LRPAP1: variants seen among roughly 807,000 people sequenced by gnomAD.
The protein encoded by LRPAP1 is LDL receptor related protein associated protein 1.
Under a neutral mutation model 39.9 loss-of-function variants are expected in LRPAP1, and 41 were observed. That is an observed-to-expected ratio of 1.03 (90% confidence interval 0.80 to 1.33). The LOEUF is 1.33. Among genes scored for constraint, LRPAP1 ranks in the 40% most tolerant of loss-of-function variants. The pLI is 0.00. For missense variants in LRPAP1, 565 were observed against 482.3 expected (o/e 1.17, Z -1.61); for synonymous variants, 263 against 212.7 (o/e 1.24, Z -2.06).
rs527773914 is a variant in LRPAP1 at position 3,510,463 on chromosome 4, G to C, written c.*2511C>G. 1 of 152,356 alleles carries C rather than the reference G, an allele frequency of 6.6e-6. No homozygotes were observed. The highest frequency in any genetic ancestry group is 2.1e-4 in the South Asian group (1 of 4,826). The allele number at this position is 152,356 out of a possible 1,614,324, so 9.4% of individuals were successfully genotyped here. A position where few individuals can be genotyped will look rare whatever the true frequency, so the allele number is the denominator to read the frequency against. On this transcript the variant is annotated 3_prime_UTR_variant, in exon 8 of 8. Transcript: ENST00000650182. ...CTTGTCTAAAGTGTGGCAATGGCAA[G>C]AGCGTAAGGACAAACAGAAACAGAC...
chr4:3,512,650 C>G lies in LRPAP1; in HGVS notation c.*324G>C. On this transcript the variant is annotated 3_prime_UTR_variant, in exon 8 of 8. Coordinates refer to ENST00000650182, the MANE Select transcript of LRPAP1 (RefSeq NM_002337.4). The stretch of plus-strand genomic sequence containing the variant: ...GATGTGTAAGATTTTTTATGTAAAT[C>G]GTGTTGTTTTAGCAGAGGACTATCA... The G allele has an allele frequency of 3.0e-6, 1 of 330,014 alleles. No homozygotes were observed. Among genetic ancestry groups the G allele is most frequent in the Middle Eastern group, 8.5e-4 (1 of 1,172 alleles). 20.4% of individuals were successfully genotyped at this position (330,014 alleles called of 1,614,324 possible). A position where few individuals can be genotyped will look rare whatever the true frequency, so the allele number is the denominator to read the frequency against.
intron 2 of LRPAP1, among the ~76,000 whole-genome samples, chr4:3,522,126 T>C (rs937807618): frequency 1.3e-5 from 2 of 152,374 alleles, no homozygotes; most frequent in East Asian, 3.9e-4. Context: ...GTGAAGGCCG[T>C]CCTGCCCAGA....
chr4:3,514,410 G>T (rs539431437), intron 7 of LRPAP1, among the ~76,000 whole-genome samples: 1 of 147,926 alleles, frequency 6.8e-6, no homozygotes, highest in Non-Finnish European at 1.5e-5. Flanking sequence ...AAGGAGGCTC[G>T]CCTGTCTCAA....
chr4:3,531,004 C>T (rs1730233795), intron 1 of LRPAP1, among the ~76,000 whole-genome samples: 1 of 152,118 alleles, frequency 6.6e-6, no homozygotes, highest in Admixed American at 6.5e-5. Flanking sequence ...TGCATCCCGG[C>T]TGCTCCTGGT....
chr4:3,513,042 G>C lies in LRPAP1; in HGVS notation c.1012-6C>G, dbSNP rs373188200. ...TCCTGCAGATGCTTCTTCACCTGTGGACAGAAACGTCTCATCAGCTGGGGA... is the reference window on the plus strand; with the variant it reads ...TCCTGCAGATGCTTCTTCACCTGTGCACAGAAACGTCTCATCAGCTGGGGA... On this transcript the variant is annotated splice_polypyrimidine_tract_variant and splice_region_variant and intron_variant, in intron 7 of 7. Transcript: ENST00000650182. 8.1e-6 allele frequency: 13 copies of C among 1,610,800 alleles called. No homozygotes were observed. The highest frequency in any genetic ancestry group is 9.3e-6 in the Non-Finnish European group (11 of 1,178,404).
intron 4 of LRPAP1, among the ~76,000 whole-genome samples, chr4:3,518,453 C>T (rs752771251): frequency 5.3e-5 from 8 of 152,228 alleles, no homozygotes; most frequent in Non-Finnish European, 1.2e-4. Context: ...CCCCTGGGGG[C>T]TGACTCTGGA....
Position 3,518,896 on chromosome 4 carries a change from C to A in LRPAP1, c.567G>T (p.Leu189=). 2 of 1,612,310 alleles carry A rather than the reference C, an allele frequency of 1.2e-6. No homozygotes were observed. Among genetic ancestry groups the A allele is most frequent in the Non-Finnish European group, 1.7e-6 (2 of 1,179,556 alleles). ...CTTCGGTCCTGCTCAGGGTCTCCAG[C>A]AGGACGTTGTACTCGTGAACTTTCT... ...HKEKVHEYNV[L]LETLSRTEEI... is the part of the protein sequence containing the mutation. The change falls in exon 4 of 8, where the codon CTG becomes CTT. Residue 189 remains leucine, a synonymous_variant. Coordinates refer to ENST00000650182, the MANE Select transcript of LRPAP1 (RefSeq NM_002337.4).
chr4:3,514,695 G>A (rs947867663), intron 7 of LRPAP1, 57 bp downstream of exon 7: 2 of 1,538,688 alleles, frequency 1.3e-6, no homozygotes. Flanking sequence ...CATGTGGGCG[G>A]CCTCATCTTT....
intron 1 of LRPAP1, among the ~76,000 whole-genome samples, chr4:3,525,484 C>G (rs1423249368): frequency 6.6e-6 from 1 of 152,166 alleles, no homozygotes; most frequent in Non-Finnish European, 1.5e-5. Context: ...AATCTCAGAT[C>G]TGCCCCATCT....
intron 1 of LRPAP1, among the ~76,000 whole-genome samples, chr4:3,528,654 T>G (rs1730149644): frequency 6.6e-6 from 1 of 152,178 alleles, no homozygotes; most frequent in Admixed American, 6.5e-5. Flanking sequence ...GCACCCACCA[T>G]GAGGAGCAGG....
At position 3,514,954 on chromosome 4, in the gene LRPAP1, T is replaced by C. The variant is rs750889251; in HGVS notation, c.835-26A>G. On this transcript the variant is annotated intron_variant, in intron 6 of 7. Coordinates refer to ENST00000650182, the MANE Select transcript of LRPAP1 (RefSeq NM_002337.4). ...CTGGAACAAGGTTTCCATAGGTGAG[T>C]GTTCCCTTCCCGTGCTCGCCACGCC... 22 of 1,610,100 alleles carry C rather than the reference T, an allele frequency of 1.4e-5. No individual in the cohort carries two copies. The Admixed American group carries it at 2.5e-4, about 18-fold the overall frequency.
intron 5 of LRPAP1, among the ~76,000 whole-genome samples, chr4:3,516,811 C>T (rs1385498577): frequency 6.6e-6 from 1 of 152,210 alleles, no homozygotes; most frequent in Non-Finnish European, 1.5e-5. Context: ...GCCCATGGAG[C>T]CCCGCAACAG....
rs1183039381 is a variant in LRPAP1, at chr4:3,507,671, C to G, written c.*5303G>C. On this transcript the variant is annotated 3_prime_UTR_variant, in exon 8 of 8. Coordinates refer to ENST00000650182, the MANE Select transcript of LRPAP1 (RefSeq NM_002337.4). ...AAGCCTCTATCAAAAGAACCTAAAA[C>G]AAGGACAGCAAATTGAACACAAAAT... 1 of 151,020 alleles carries G rather than the reference C, an allele frequency of 6.6e-6. No homozygotes were observed. Among genetic ancestry groups the G allele is most frequent in the East Asian group, 1.9e-4 (1 of 5,162 alleles). 9.4% of individuals were successfully genotyped at this position (151,020 alleles called of 1,614,324 possible). A position where few individuals can be genotyped will look rare whatever the true frequency, so the allele number is the denominator to read the frequency against.
In LRPAP1 at chr4:3,514,747, C is replaced by T. The variant is rs759107754; in HGVS notation, c.1011+5G>A. The stretch of plus-strand genomic sequence containing the variant: ...GGCCTCCCCGGTCCTGGAACCCGTG[C>T]GCACCGTGTAGCCCAGCTCCTTGGT... On this transcript the variant is annotated splice_donor_5th_base_variant and intron_variant, in intron 7 of 7. Coordinates refer to ENST00000650182, the MANE Select transcript of LRPAP1 (RefSeq NM_002337.4). The T allele has an allele frequency of 1.3e-5, 20 of 1,596,224 alleles. No individual in the cohort carries two copies. The highest frequency in any genetic ancestry group is 1.2e-4 in the African/African-American group (9 of 74,750).
At chr4:3,520,316 C>T (rs1729873230) in intron 2 of LRPAP1, 123 bp from the exon 3 acceptor site, 16 of 1,005,514 alleles carry the variant, frequency 1.6e-5, no homozygotes, top group Non-Finnish European at 2.4e-5. Flanking sequence ...AGTTTCCTTT[C>T]ACCTGTTTCC....
intron 2 of LRPAP1, among the ~76,000 whole-genome samples, chr4:3,523,329 C>T (rs73197142): frequency 0.019 from 2,890 of 152,272 alleles, 44 homozygotes; most frequent in Middle Eastern, 0.078. Flanking sequence ...CTGGTGGGGA[C>T]GCAACCATCC....
intron 1 of LRPAP1, among the ~76,000 whole-genome samples, chr4:3,526,409 C>A (rs1730079711): frequency 6.6e-6 from 1 of 152,342 alleles, no homozygotes; most frequent in African/African-American, 2.4e-5. Flanking sequence ...AAATATTAAT[C>A]TTTTATCTAT....
chr4:3,518,795 G>A (rs921784102), intron 4 of LRPAP1, 76 bp downstream of exon 4: 24 of 1,005,784 alleles, frequency 2.4e-5, no homozygotes, highest in South Asian at 4.8e-5. Context: ...TGAGCACAAC[G>A]AGCCTCAGGT....
intron 1 of LRPAP1, among the ~76,000 whole-genome samples, chr4:3,525,501 C>T (rs1730054859): frequency 6.6e-6 from 1 of 152,140 alleles, no homozygotes; most frequent in African/African-American, 2.4e-5. Context: ...ATCTTCATTT[C>T]CCAAAGACCC....
Sources: gnomAD v4.1 joint callset for allele counts (sites outside exome capture counted in the v4.1 genomes callset) on GRCh38, gnomAD v4.1.1 for gene constraint, MANE v1.5 for transcripts, NCBI Gene and HGNC (gene_info 2026-07-23, HGNC 2026-07-21) for gene names.